Variants in CPNE4 observed in about 807,000 individuals in gnomAD.
The protein encoded by CPNE4 is copine-4.
Under a neutral mutation model 67.9 loss-of-function variants are expected in CPNE4, and 25 were observed. That is an observed-to-expected ratio of 0.37 (90% CI 0.27 to 0.51). The LOEUF is 0.51. Among genes scored for constraint, CPNE4 ranks in the 20% least tolerant of loss-of-function variants. The pLI is 0.93. For missense variants in CPNE4, 464 were observed against 690.8 expected (o/e 0.67, Z 3.68); for synonymous variants, 242 against 244.9 (o/e 0.99, Z 0.11).
chr3:131,816,729 T>C (rs1453079821), intron 2 of CPNE4, among the ~76,000 whole-genome samples: 2 of 152,254 alleles, frequency 1.3e-5, no homozygotes, highest in East Asian at 1.9e-4. Context: ...TGATTTGCAT[T>C]ATGTAATTTT....
intron 5 of CPNE4, among the ~76,000 whole-genome samples, chr3:131,694,053 G>A (rs891047222): frequency 9.9e-5 from 15 of 152,180 alleles, no homozygotes; most frequent in African/African-American, 1.4e-4. Context: ...GGCTACCAGA[G>A]TTACTGCCAA....
chr3:131,844,827 C>T (rs2085935380), intron 2 of CPNE4, among the ~76,000 whole-genome samples: 1 of 152,116 alleles, frequency 6.6e-6, no homozygotes, highest in Non-Finnish European at 1.5e-5. Context: ...CTTCCTTAGC[C>T]TCAACCTTCT....
intron 2 of CPNE4, among the ~76,000 whole-genome samples, chr3:131,762,622 G>A (rs1275748010): frequency 1.3e-5 from 2 of 152,006 alleles, no homozygotes; most frequent in African/African-American, 2.4e-5. Flanking sequence ...AGCTGAAAAA[G>A]GGTAACCAGA....
At chr3:132,005,354 C>T (rs879875768) in intron 1 of CPNE4, among the ~76,000 whole-genome samples, 41,403 of 71,638 alleles carry the variant, frequency 0.58, 10,895 homozygotes, top group South Asian at 0.66. Context: ...CACACACACA[C>T]ACACACACAC....
At chr3:131,629,237 G>A (rs1414020394) in intron 7 of CPNE4, among the ~76,000 whole-genome samples, 1 of 152,098 alleles carries the variant, frequency 6.6e-6, no homozygotes, top group African/African-American at 2.4e-5. Flanking sequence ...ACAACACGTA[G>A]GAATTCTGGG....
intron 8 of CPNE4, among the ~76,000 whole-genome samples, chr3:131,584,811 G>T (rs1450392142): frequency 6.6e-6 from 1 of 152,116 alleles, no homozygotes; most frequent in Non-Finnish European, 1.5e-5. Context: ...AACTTAACTT[G>T]TTATTTAATT....
At chr3:132,006,181 C>T (rs917881492) in intron 1 of CPNE4, among the ~76,000 whole-genome samples, 4 of 152,024 alleles carry the variant, frequency 2.6e-5, no homozygotes, top group African/African-American at 9.7e-5. Context: ...GAAAGTGGCC[C>T]CTCACTGACT....
At chr3:131,828,286 C>G (rs2085242874) in intron 2 of CPNE4, among the ~76,000 whole-genome samples, 1 of 152,124 alleles carries the variant, frequency 6.6e-6, no homozygotes, top group South Asian at 2.1e-4. Context: ...ATACTATAAT[C>G]AAGATATAGA....
chr3:131,819,704 A>C (rs770601400), intron 2 of CPNE4, among the ~76,000 whole-genome samples: 2 of 152,220 alleles, frequency 1.3e-5, no homozygotes, highest in Non-Finnish European at 2.9e-5. Context: ...TTAAATAATT[A>C]CATTGAAATT....
chr3:131,825,031 A>G (rs1326950450), intron 2 of CPNE4, among the ~76,000 whole-genome samples: 1 of 152,108 alleles, frequency 6.6e-6, no homozygotes, highest in Non-Finnish European at 1.5e-5. Context: ...GGACCCTTTG[A>G]AGGACCTAAG....
chr3:132,037,776 C>T (rs1260640416), upstream of CPNE4: 2 of 577,814 alleles, frequency 3.5e-6, no homozygotes, highest in African/African-American at 3.7e-5. Flanking sequence ...GCATCTCACC[C>T]ATCAGTGTGA....
chr3:131,628,746 C>T (rs1169751657), intron 7 of CPNE4, among the ~76,000 whole-genome samples: 1 of 142,348 alleles, frequency 7.0e-6, no homozygotes, highest in Non-Finnish European at 1.5e-5. Flanking sequence ...TGGTGATATC[C>T]CCTTTATCAT....
chr3:131,655,818 G>C (rs1214059056), intron 7 of CPNE4, among the ~76,000 whole-genome samples: 1 of 152,046 alleles, frequency 6.6e-6, no homozygotes, highest in Admixed American at 6.6e-5. Context: ...AAATCTCATT[G>C]CTTAAAGGTA....
chr3:131,611,315 T>C (rs1189826071), intron 7 of CPNE4, among the ~76,000 whole-genome samples: 2 of 152,308 alleles, frequency 1.3e-5, no homozygotes, highest in East Asian at 3.9e-4. Flanking sequence ...CTATTTGCTA[T>C]ACCCTTATTT....
At chr3:132,029,154 G>A (rs1472463681) in intron 1 of CPNE4, among the ~76,000 whole-genome samples, 1 of 152,078 alleles carries the variant, frequency 6.6e-6, no homozygotes, top group African/African-American at 2.4e-5. Context: ...CGGATTCAGA[G>A]TTCTTCTGAT....
intron 2 of CPNE4, among the ~76,000 whole-genome samples, chr3:131,876,794 A>G (rs557670063): frequency 6.6e-6 from 1 of 152,326 alleles, no homozygotes; most frequent in East Asian, 1.9e-4. Flanking sequence ...GTGTGAGTAC[A>G]TCACTAACCA....
At chr3:131,594,406 T>G (rs1938720775) in intron 7 of CPNE4, among the ~76,000 whole-genome samples, 3 of 152,164 alleles carry the variant, frequency 2.0e-5, no homozygotes, top group Non-Finnish European at 2.9e-5. Flanking sequence ...TTCATATATA[T>G]TCAACTGAAC....
chr3:131,908,804 C>T (rs1362656491), intron 1 of CPNE4, among the ~76,000 whole-genome samples: 1 of 152,134 alleles, frequency 6.6e-6, no homozygotes, highest in Admixed American at 6.6e-5. Flanking sequence ...ATCCTGACTC[C>T]TCCATTCACT....
chr3:131,745,830 ATTCT>A (rs1417842373), intron 2 of CPNE4, among the ~76,000 whole-genome samples: 1 of 152,116 alleles, frequency 6.6e-6, no homozygotes, highest in African/African-American at 2.4e-5. Flanking sequence ...GAGCAAACTA[ATTCT>A]TTCCACTTTA....
Sources: gnomAD v4.1 joint callset for allele counts (sites outside exome capture counted in the v4.1 genomes callset) on GRCh38, gnomAD v4.1.1 for gene constraint, MANE v1.5 for transcripts, NCBI Gene and HGNC (gene_info 2026-07-23, HGNC 2026-07-21) for gene names.